Variants in RBFOX1 observed in about 807,000 individuals in gnomAD.
The protein encoded by RBFOX1 is RNA binding protein fox-1 homolog 1.
In RBFOX1, 8 loss-of-function variants were observed where a neutral mutation model predicts 57.7. The observed-to-expected ratio is 0.14, with a 90% CI of 0.08 to 0.25. The LOEUF (loss-of-function observed/expected upper bound fraction) is 0.25. RBFOX1 is among the 10% of genes least tolerant of loss of function. The pLI, the probability that RBFOX1 is intolerant of heterozygous loss-of-function variation, is 1.00. For synonymous variants in RBFOX1, 326 were observed against 222.4 expected (o/e 1.47, Z -4.15); for missense variants, 611 against 548.5 (o/e 1.11, Z -1.14).
At chr16:7,613,600 A>G (rs570633340) in intron 10 of RBFOX1, among the ~76,000 whole-genome samples, 1 of 152,180 alleles carries the variant, frequency 6.6e-6, no homozygotes, top group Non-Finnish European at 1.5e-5. Context: ...CAAAAGGGCA[A>G]CTGTATTTGA....
intron 2 of RBFOX1, among the ~76,000 whole-genome samples, chr16:6,622,402 T>C (rs1308835416): frequency 3.3e-5 from 5 of 152,226 alleles, no homozygotes; most frequent in Non-Finnish European, 5.9e-5. Flanking sequence ...TTAATGACAG[T>C]TGCCTACAGT....
At chr16:7,318,039 G>T (rs564642364) in intron 4 of RBFOX1, among the ~76,000 whole-genome samples, 16 of 152,046 alleles carry the variant, frequency 1.1e-4, no homozygotes, top group Admixed American at 9.2e-4. Flanking sequence ...TGTGAAAATG[G>T]TGGTGGTGGT....
chr16:5,991,731 A>C (rs2152319958), intron 4 of RBFOX1, among the ~76,000 whole-genome samples: 1 of 147,138 alleles, frequency 6.8e-6, no homozygotes, highest in African/African-American at 2.5e-5. Flanking sequence ...CTGCCTTAGG[A>C]GCTAAACAGA....
intron 4 of RBFOX1, among the ~76,000 whole-genome samples, chr16:5,956,678 A>ATTTATATATATATATATATTTTTTT (rs1555456300): frequency 2.6e-5 from 3 of 116,506 alleles, no homozygotes; most frequent in African/African-American, 1.0e-4. Context: ...ATATATATAT[A>ATTTATATATATATATATATTTTTTT]TTTTTTTTGA....
intron 2 of RBFOX1, among the ~76,000 whole-genome samples, chr16:6,495,600 A>G (rs556707864): frequency 7.2e-5 from 11 of 152,374 alleles, no homozygotes; most frequent in Admixed American, 6.5e-4. Context: ...TGACTTCATC[A>G]GCCCTTAGCT....
chr16:6,808,734 C>T (rs570162314), intron 3 of RBFOX1, among the ~76,000 whole-genome samples: 1 of 152,120 alleles, frequency 6.6e-6, no homozygotes, highest in African/African-American at 2.4e-5. Context: ...CTGTTCTTTT[C>T]TCCACAGACA....
intron 4 of RBFOX1, among the ~76,000 whole-genome samples, chr16:7,386,350 T>C (rs2097881065): frequency 6.6e-6 from 1 of 152,086 alleles, no homozygotes; most frequent in Admixed American, 6.6e-5. Context: ...GTCATCTACA[T>C]TAGATATTTC....
intron 2 of RBFOX1, among the ~76,000 whole-genome samples, chr16:5,519,300 C>G (rs2043920047): frequency 6.6e-6 from 1 of 152,182 alleles, no homozygotes; most frequent in African/African-American, 2.4e-5. Context: ...GGTTGTTTTT[C>G]ATGTCCTGGG....
chr16:5,641,378 A>G (rs553680811), intron 3 of RBFOX1, among the ~76,000 whole-genome samples: 1 of 152,374 alleles, frequency 6.6e-6, no homozygotes, highest in South Asian at 2.1e-4. Context: ...ATACACAAGT[A>G]GATACCTGCT....
At chr16:7,479,971 G>T (rs1041843101) in intron 4 of RBFOX1, among the ~76,000 whole-genome samples, 1 of 152,164 alleles carries the variant, frequency 6.6e-6, no homozygotes. Flanking sequence ...TTGGGGCTTG[G>T]TCAGAAGTGA....
chr16:6,018,648 C>T (rs1197224962), upstream of RBFOX1, among the ~76,000 whole-genome samples: 4 of 152,154 alleles, frequency 2.6e-5, no homozygotes, highest in Admixed American at 1.3e-4. Context: ...AGGGCTCGAT[C>T]TCTGCCTGGC....
chr16:6,840,330 C>G (rs975833875), intron 3 of RBFOX1, among the ~76,000 whole-genome samples: 9 of 152,214 alleles, frequency 5.9e-5, no homozygotes, highest in African/African-American at 1.9e-4. Flanking sequence ...AGGGCCGCCT[C>G]TAACATTCAT....
intron 1 of RBFOX1, among the ~76,000 whole-genome samples, chr16:5,452,183 A>G (rs552535188): frequency 7.1e-6 from 1 of 140,400 alleles, no homozygotes; most frequent in South Asian, 2.3e-4. Flanking sequence ...CAGTGGCACG[A>G]TCTCAGCTCA....
chr16:5,871,657 A>C (rs1339851577), intron 4 of RBFOX1, among the ~76,000 whole-genome samples: 1 of 152,170 alleles, frequency 6.6e-6, no homozygotes, highest in Non-Finnish European at 1.5e-5. Flanking sequence ...TAACACAAAG[A>C]TCTGAGACCC....
chr16:7,100,763 G>A (rs564349665), intron 4 of RBFOX1, among the ~76,000 whole-genome samples: 67 of 152,136 alleles, frequency 4.4e-4, no homozygotes, highest in African/African-American at 1.1e-3. Flanking sequence ...TCCAATGGCC[G>A]TAAATATAGG....
chr16:7,608,075 T>C (rs993797449), intron 10 of RBFOX1, among the ~76,000 whole-genome samples: 2 of 152,216 alleles, frequency 1.3e-5, no homozygotes, highest in African/African-American at 4.8e-5. Flanking sequence ...CAAGGCTGCA[T>C]TGAATACCTA....
intron 2 of RBFOX1, among the ~76,000 whole-genome samples, chr16:5,536,579 A>G (rs950360356): frequency 6.6e-6 from 1 of 152,108 alleles, no homozygotes; most frequent in Admixed American, 6.6e-5. Flanking sequence ...CCGATCACTG[A>G]GACAATGAGT....
intron 4 of RBFOX1, among the ~76,000 whole-genome samples, chr16:7,152,283 A>G (rs1731868723): frequency 6.6e-6 from 1 of 152,192 alleles, no homozygotes; most frequent in Admixed American, 6.5e-5. Flanking sequence ...CATGGAAAGT[A>G]TTCTATCAGT....
intron 5 of RBFOX1, among the ~76,000 whole-genome samples, chr16:7,551,239 AACC>A (rs2086383241): frequency 6.6e-6 from 1 of 152,134 alleles, no homozygotes. Context: ...TTTTCCATGC[AACC>A]AACCACCACT....
Sources: allele counts gnomAD v4.1 joint callset (sites outside exome capture counted in the v4.1 genomes callset), GRCh38; gene constraint gnomAD v4.1.1; transcripts MANE v1.5; gene names NCBI Gene and HGNC (gene_info 2026-07-23, HGNC 2026-07-21).